The following MFAP1 variants were observed in gnomAD, a reference collection of about 807,000 sequenced individuals.
The protein encoded by MFAP1 is microfibrillar-associated protein 1.
A neutral mutation model predicts 62.2 loss-of-function variants in MFAP1; 18 were observed. The observed-to-expected ratio is 0.29, with a 90% confidence interval of 0.20 to 0.43. The LOEUF (loss-of-function observed/expected upper bound fraction) is 0.43. Ranked by LOEUF, MFAP1 falls within the 20% of genes least tolerant of loss-of-function variation. The pLI is 1.00. For missense variants in MFAP1, 355 were observed against 559.7 expected (o/e 0.63, Z 3.69); for synonymous variants, 175 against 180.4 (o/e 0.97, Z 0.24).
intron 7 of MFAP1, among the ~76,000 whole-genome samples, chr15:43,806,129 TTGA>T (rs1300289221): frequency 1.3e-5 from 2 of 152,128 alleles, no homozygotes; most frequent in Non-Finnish European, 2.9e-5. Flanking sequence ...AATTTTCTCC[TTGA>T]GTGTAGACGT....
At chr15:43,823,182 C>T (rs947490921) in intron 1 of MFAP1, among the ~76,000 whole-genome samples, 2 of 151,156 alleles carry the variant, frequency 1.3e-5, no homozygotes, top group South Asian at 2.1e-4. Flanking sequence ...GGGGTGGTCT[C>T]GCTATGTTGC....
At chr15:43,805,916 T>C (rs970082077) in intron 7 of MFAP1, among the ~76,000 whole-genome samples, 1 of 151,802 alleles carries the variant, frequency 6.6e-6, no homozygotes, top group Non-Finnish European at 1.5e-5. Context: ...CCGGCCGAGA[T>C]GATATTCTTT....
intron 6 of MFAP1, chr15:43,810,256 G>A (rs1734833209): frequency 4.8e-6 from 1 of 208,480 alleles, no homozygotes; most frequent in Non-Finnish European, 9.5e-6. Flanking sequence ...TAAAATAAGT[G>A]TCTGAGGCTT....
rs1014698710 is a variant in MFAP1 at position 43,811,018 on chromosome 15, T to C, written c.888-1104A>G. Among the ~76,000 whole-genome samples the C allele has an allele frequency of 8.8e-5, 13 of 147,586 alleles. 1 individual carries two copies. The highest frequency in any genetic ancestry group is 8.1e-4 in the Admixed American group (12 of 14,814). The stretch of plus-strand genomic sequence containing the variant: ...GAGCCGCCCACCTCGGCCTCCCAAA[T>C]TGTTGGGATTACAGGCGTGAGCCAC... On this transcript the variant is annotated intron_variant, in intron 6 of 8. Coordinates refer to ENST00000267812, the MANE Select transcript of MFAP1 (RefSeq NM_005926.3).
intron 7 of MFAP1, among the ~76,000 whole-genome samples, chr15:43,807,482 G>C (rs534100407): frequency 1.3e-5 from 2 of 151,258 alleles, no homozygotes; most frequent in African/African-American, 4.8e-5. Context: ...CCAAGTAGCT[G>C]TGACTACAGG....
chr15:43,815,040 C>T lies in MFAP1; in HGVS notation c.334G>A (p.Val112Met). The change falls in exon 3 of 9, where the codon GTG becomes ATG. Residue 112 changes from valine (V) to methionine (M), a missense_variant. Around this residue, in one of 6 missense-constraint regions of MFAP1, gnomAD observed 257 missense variants for 341.3 expected, o/e 0.75. Transcript: ENST00000267812. ...ACTTCTGAGTCACTCTCTCCTACCA[C>T]TTCAGGTTCCACTATTTTTCGATGT... Reference protein sequence around the residue: ...ARHRKIVEPEVVGESDSEVEG... With the variant: ...ARHRKIVEPEMVGESDSEVEG... The T allele has an allele frequency of 6.2e-7, 1 of 1,614,240 alleles. No individual in the cohort carries two copies. The highest frequency in any genetic ancestry group is 8.5e-7 in the Non-Finnish European group (1 of 1,180,054).
intron 7 of MFAP1, among the ~76,000 whole-genome samples, chr15:43,806,191 T>C (rs1160216134): frequency 6.6e-6 from 1 of 152,192 alleles, no homozygotes; most frequent in Admixed American, 6.6e-5. Flanking sequence ...TGTTTACTCA[T>C]GTGACTTCAA....
chr15:43,818,646 A>G (rs751147390), intron 1 of MFAP1, among the ~76,000 whole-genome samples: 4 of 152,136 alleles, frequency 2.6e-5, no homozygotes, highest in African/African-American at 4.8e-5. Flanking sequence ...TAATCGCAGC[A>G]TTTTGGAAGG....
At chr15:43,823,574 C>T (rs1473826478) in intron 1 of MFAP1, among the ~76,000 whole-genome samples, 2 of 151,344 alleles carry the variant, frequency 1.3e-5, no homozygotes, top group East Asian at 2.0e-4. Context: ...GACGGGGTTT[C>T]GCCATGATCG....
intron 1 of MFAP1, among the ~76,000 whole-genome samples, chr15:43,822,410 G>A (rs1323401477): frequency 6.6e-6 from 1 of 152,076 alleles, no homozygotes; most frequent in Admixed American, 6.6e-5. Context: ...GTCTTGCTCT[G>A]TTGGCCAGGC....
chr15:43,816,072 T>C (rs569225605), intron 2 of MFAP1, among the ~76,000 whole-genome samples: 1 of 152,200 alleles, frequency 6.6e-6, no homozygotes, highest in East Asian at 1.9e-4. Flanking sequence ...AAGTATAGTA[T>C]GAAAATCAAT....
chr15:43,824,469 G>A (rs761651044), intron 1 of MFAP1, 22 bp downstream of exon 1: 2 of 1,613,138 alleles, frequency 1.2e-6, no homozygotes, highest in East Asian at 2.2e-5. Context: ...ATTCGACTGG[G>A]AAGAGGGTGT....
intron 2 of MFAP1, among the ~76,000 whole-genome samples, chr15:43,815,739 A>G (rs1049533591): frequency 6.6e-6 from 1 of 151,496 alleles, no homozygotes; most frequent in Non-Finnish European, 1.5e-5. Flanking sequence ...TTCAAGTGAT[A>G]ATCCCTGCCT....
At chr15:43,814,155 A>C (rs554713537) in intron 4 of MFAP1, among the ~76,000 whole-genome samples, 2 of 152,124 alleles carry the variant, frequency 1.3e-5, no homozygotes, top group Admixed American at 6.6e-5. Flanking sequence ...CGGGAGACAG[A>C]GGCAGAACTG....
Position 43,824,475 on chromosome 15 carries a change from G to C in MFAP1, c.79+16C>G. On this transcript the variant is annotated intron_variant, in intron 1 of 8. Transcript: ENST00000267812. ...GGGGTTAAAATTCGACTGGGAAGAG[G>C]GTGTTAGCACCGTACCTTTCTCATT... 1 of 1,613,352 alleles carries C rather than the reference G, an allele frequency of 6.2e-7. No individual in the cohort carries two copies.
chr15:43,823,088 C>G (rs1339488404), intron 1 of MFAP1, among the ~76,000 whole-genome samples: 2 of 151,924 alleles, frequency 1.3e-5, no homozygotes, highest in African/African-American at 4.8e-5. Flanking sequence ...CCACCAGCCT[C>G]AGCCTCCCAA....
At position 43,814,742 on chromosome 15, in the gene MFAP1, C is replaced by T. The variant is rs988925277; in HGVS notation, c.430-54G>A. ...GTCAAATGGCCTATGGCTTTTTGTT[C>T]GTCTCATCAAACACAACAAATTCAA... On this transcript the variant is annotated intron_variant, in intron 3 of 8. Coordinates refer to ENST00000267812, the MANE Select transcript of MFAP1 (RefSeq NM_005926.3). 21 of 1,572,598 alleles carry T rather than the reference C, an allele frequency of 1.3e-5. No individual in the cohort carries two copies. In the East Asian group the frequency reaches 1.3e-4, roughly 10 times the overall value.
At chr15:43,810,557 C>T (rs1469640697) in intron 6 of MFAP1, among the ~76,000 whole-genome samples, 8 of 151,642 alleles carry the variant, frequency 5.3e-5, no homozygotes, top group Non-Finnish European at 1.0e-4. Flanking sequence ...TTAGTAGAGA[C>T]GGGGTTTCAC....
At chr15:43,821,442 G>T (rs1467208207) in intron 1 of MFAP1, among the ~76,000 whole-genome samples, 1 of 150,548 alleles carries the variant, frequency 6.6e-6, no homozygotes, top group East Asian at 2.0e-4. Context: ...GAATAAAGCT[G>T]ATGGGGGCGG....
Sources: gnomAD v4.1 joint callset for allele counts (sites outside exome capture counted in the v4.1 genomes callset) on GRCh38, gnomAD v4.1.1 for gene constraint, gnomAD v4.1.1 regional missense constraint, MANE v1.5 for transcripts, NCBI Gene and HGNC (gene_info 2026-07-23, HGNC 2026-07-21) for gene names.